Variants in CAST observed in about 807,000 individuals in gnomAD.
CAST encodes calpastatin, also known as MIR583 host.
Under a neutral mutation model 119.6 loss-of-function variants are expected in CAST, and 76 were observed. That is an observed-to-expected ratio of 0.64 (90% confidence interval 0.53 to 0.77). The LOEUF (loss-of-function observed/expected upper bound fraction) is 0.77. Ranked by LOEUF, CAST falls within the 30% of genes least tolerant of loss-of-function variation. The pLI, the probability that CAST is intolerant of heterozygous loss-of-function variation, is 0.00. For missense variants in CAST, 953 were observed against 946.5 expected (o/e 1.01, Z -0.09); for synonymous variants, 319 against 331.6 (o/e 0.96, Z 0.41).
chr5:96,735,446 T>C (rs1255712674), intron 9 of CAST, among the ~76,000 whole-genome samples: 1 of 152,180 alleles, frequency 6.6e-6, no homozygotes, highest in African/African-American at 2.4e-5. Flanking sequence ...CCTCTGGCCA[T>C]AGAGAATGAT....
At chr5:96,753,148 C>G (rs532094166) in intron 20 of CAST, among the ~76,000 whole-genome samples, 17 of 152,172 alleles carry the variant, frequency 1.1e-4, no homozygotes, top group African/African-American at 4.1e-4. Context: ...CATGCACCAT[C>G]ATGCCTGGCT....
At chr5:95,965,369 A>G in the CAST span, 2 of 152,240 alleles carry the variant, frequency 1.3e-5, no homozygotes, top group East Asian at 3.8e-4. Flanking sequence ...GTTAGCCCAC[A>G]GGTTTCTAGT....
At chr5:96,402,375 C>A in the CAST span, among the ~76,000 whole-genome samples, 9 of 152,310 alleles carry the variant, frequency 5.9e-5, no homozygotes, top group African/African-American at 2.2e-4. Context: ...CCCTCATGTT[C>A]TTTCCATATT....
chr5:96,491,574 T>C, the CAST span, among the ~76,000 whole-genome samples: 1 of 149,076 alleles, frequency 6.7e-6, no homozygotes, highest in East Asian at 2.0e-4. Context: ...GTACCGCATG[T>C]GGCAATGTAA....
intron 1 of CAST, among the ~76,000 whole-genome samples, chr5:96,643,631 T>C (rs577624421): frequency 2.6e-5 from 4 of 152,180 alleles, no homozygotes; most frequent in Admixed American, 6.5e-5. Flanking sequence ...TCCCAGCACT[T>C]TGGGAGGCCG....
At chr5:96,653,883 T>C (rs1292264156) in intron 1 of CAST, among the ~76,000 whole-genome samples, 1 of 152,164 alleles carries the variant, frequency 6.6e-6, no homozygotes, top group Non-Finnish European at 1.5e-5. Context: ...CTAATATTTG[T>C]TGTTTCCCCT....
chr5:96,327,481 T>A, the CAST span, among the ~76,000 whole-genome samples: 1 of 152,214 alleles, frequency 6.6e-6, no homozygotes, highest in South Asian at 2.1e-4. Flanking sequence ...ACCAGTGCCA[T>A]CCTTTTTACA....
chr5:96,771,492 A>G, intron 30 of CAST, 152 bp from the exon 31 acceptor site: 1 of 565,546 alleles, frequency 1.8e-6, no homozygotes, highest in Non-Finnish European at 3.2e-6. Flanking sequence ...AAGAACTCAC[A>G]ATATTGTGGC....
At chr5:96,088,858 G>C in the CAST span, among the ~76,000 whole-genome samples, 2 of 152,080 alleles carry the variant, frequency 1.3e-5, no homozygotes, top group African/African-American at 4.8e-5. Context: ...ATCACAGCCT[G>C]GCCTGGCCTT....
the CAST span, among the ~76,000 whole-genome samples, chr5:96,145,791 CTG>C: frequency 2.0e-5 from 3 of 152,216 alleles, no homozygotes; most frequent in Admixed American, 6.5e-5. Context: ...TCTGGGCTGA[CTG>C]TGTTCAACTG....
chr5:96,304,861 T>C, the CAST span, among the ~76,000 whole-genome samples: 1 of 152,200 alleles, frequency 6.6e-6, no homozygotes, highest in South Asian at 2.1e-4. Context: ...AGCCTTGTAG[T>C]ATAGTTTGAA....
chr5:96,661,762 T>C (rs1748525344), upstream of CAST, among the ~76,000 whole-genome samples: 1 of 152,266 alleles, frequency 6.6e-6, no homozygotes, highest in Admixed American at 6.5e-5. Context: ...CGTTTTGCAT[T>C]GGAACCTATG....
chr5:96,198,921 C>T, the CAST span, among the ~76,000 whole-genome samples: 1 of 152,232 alleles, frequency 6.6e-6, no homozygotes, highest in South Asian at 2.1e-4. Context: ...TTTCATGTTC[C>T]ATATCATTCC....
At chr5:96,251,503 A>T in the CAST span, among the ~76,000 whole-genome samples, 2 of 152,162 alleles carry the variant, frequency 1.3e-5, no homozygotes, top group African/African-American at 4.8e-5. Flanking sequence ...CCTCCCCTAC[A>T]TAGCTATTTA....
intron 1 of CAST, among the ~76,000 whole-genome samples, chr5:96,572,677 A>G (rs12520714): frequency 0.06 from 9,147 of 152,136 alleles, 839 homozygotes; most frequent in East Asian, 0.31. Context: ...CCTCCTCCCA[A>G]TTACATCTGA....
chr5:96,557,789 A>T (rs1292598481), intron 1 of CAST, among the ~76,000 whole-genome samples: 1 of 152,334 alleles, frequency 6.6e-6, no homozygotes, highest in East Asian at 1.9e-4. Flanking sequence ...AACATTAGAC[A>T]GATCAACGAG....
At chr5:96,497,088 C>G in the CAST span, among the ~76,000 whole-genome samples, 1,048 of 147,510 alleles carry the variant, frequency 7.1e-3, 10 homozygotes, top group African/African-American at 0.025. Context: ...TCAATTCCCA[C>G]CTATGAGTGA....
chr5:96,020,593 C>A, the CAST span, among the ~76,000 whole-genome samples: 1 of 152,182 alleles, frequency 6.6e-6, no homozygotes, highest in Non-Finnish European at 1.5e-5. Flanking sequence ...ATTGCTCCTG[C>A]AATCTAGGTT....
At chr5:96,768,429 A>G in intron 29 of CAST, 1 of 455,570 alleles carries the variant, frequency 2.2e-6, no homozygotes, top group South Asian at 1.6e-5. Flanking sequence ...TGATATAGAG[A>G]ACCTGAAAAT....
Sources: allele counts gnomAD v4.1 joint callset (sites outside exome capture counted in the v4.1 genomes callset), GRCh38; gene constraint gnomAD v4.1.1; transcripts MANE v1.5; gene names NCBI Gene and HGNC (gene_info 2026-07-23, HGNC 2026-07-21).